KCNIP4: variants seen among roughly 807,000 people sequenced by gnomAD.
KCNIP4 encodes potassium voltage-gated channel interacting protein 4, also known as Kv channel-interacting protein 4.
Under a neutral mutation model 34.0 loss-of-function variants are expected in KCNIP4, and 12 were observed. The ratio of observed to expected loss-of-function variants is 0.35; its 90% CI spans 0.23 to 0.57. The LOEUF is 0.57. KCNIP4 is among the 20% of genes least tolerant of loss of function. KCNIP4 has a pLI of 0.83. For synonymous variants in KCNIP4, 124 were observed against 102.2 expected (o/e 1.21, Z -1.29); for missense variants, 238 against 311.7 (o/e 0.76, Z 1.78).
chr4:21,675,712 G>A (rs1749838800), intron 1 of KCNIP4, among the ~76,000 whole-genome samples: 1 of 152,136 alleles, frequency 6.6e-6, no homozygotes, highest in African/African-American at 2.4e-5. Flanking sequence ...ATGAAAAGTA[G>A]AGAGTCACAT....
At chr4:21,423,434 G>A (rs10022151) in intron 1 of KCNIP4, among the ~76,000 whole-genome samples, 44,982 of 152,064 alleles carry the variant, frequency 0.3, 7,823 homozygotes, top group East Asian at 0.58. Flanking sequence ...CATTGTTCCT[G>A]ATAAGGCTCA....
chr4:21,004,722 T>A (rs552447180), intron 1 of KCNIP4, among the ~76,000 whole-genome samples: 1 of 152,290 alleles, frequency 6.6e-6, no homozygotes, highest in South Asian at 2.1e-4. Context: ...TTCATAGAGT[T>A]CCACGGAAGT....
intron 1 of KCNIP4, among the ~76,000 whole-genome samples, chr4:21,755,672 G>C (rs1206369336): frequency 6.6e-6 from 1 of 152,128 alleles, no homozygotes; most frequent in African/African-American, 2.4e-5. Flanking sequence ...AGCATGGATA[G>C]AGAAGCCACT....
intron 1 of KCNIP4, among the ~76,000 whole-genome samples, chr4:21,475,012 A>AAAAG (rs1730823695): frequency 6.6e-6 from 1 of 151,202 alleles, no homozygotes; most frequent in Non-Finnish European, 1.5e-5. Context: ...AAAAACAAAA[A>AAAAG]AAAAAGACGT....
intron 1 of KCNIP4, among the ~76,000 whole-genome samples, chr4:21,589,153 T>G (rs1326390753): frequency 3.6e-5 from 3 of 82,214 alleles, no homozygotes; most frequent in African/African-American, 9.7e-5. Flanking sequence ...AAAATGGAGG[T>G]GTGTATATAT....
intron 4 of KCNIP4, among the ~76,000 whole-genome samples, chr4:20,754,655 GA>G (rs1754199854): frequency 6.6e-6 from 1 of 152,126 alleles, no homozygotes; most frequent in African/African-American, 2.4e-5. Context: ...CAATTAACAT[GA>G]ATAATGAAAT....
At chr4:21,715,548 T>G (rs1458277136) in intron 1 of KCNIP4, among the ~76,000 whole-genome samples, 3 of 152,158 alleles carry the variant, frequency 2.0e-5, no homozygotes, top group African/African-American at 7.2e-5. Context: ...AAAAATCCCT[T>G]CTATGCCAGT....
chr4:21,467,326 T>C (rs1730072895), intron 1 of KCNIP4, among the ~76,000 whole-genome samples: 1 of 152,106 alleles, frequency 6.6e-6, no homozygotes, highest in Non-Finnish European at 1.5e-5. Flanking sequence ...CAAAAATATA[T>C]AATAAATATT....
At chr4:21,866,514 T>G (rs1054267679) in intron 1 of KCNIP4, among the ~76,000 whole-genome samples, 8 of 151,252 alleles carry the variant, frequency 5.3e-5, no homozygotes, top group African/African-American at 1.9e-4. Context: ...CAGTCTCTTC[T>G]GATTTTCTGA....
chr4:21,537,476 G>A (rs1020509360), intron 1 of KCNIP4, among the ~76,000 whole-genome samples: 7 of 152,066 alleles, frequency 4.6e-5, no homozygotes, highest in Non-Finnish European at 8.8e-5. Flanking sequence ...CCACTTTTCT[G>A]TGTGTATAAT....
chr4:21,913,683 G>A (rs1039139227), intron 1 of KCNIP4, among the ~76,000 whole-genome samples: 2 of 152,134 alleles, frequency 1.3e-5, no homozygotes, highest in East Asian at 1.9e-4. Context: ...AGTCTAGTTG[G>A]AGAAACAAAA....
intron 2 of KCNIP4, among the ~76,000 whole-genome samples, chr4:20,862,959 G>T (rs1722370311): frequency 6.6e-6 from 1 of 152,056 alleles, no homozygotes; most frequent in Non-Finnish European, 1.5e-5. Flanking sequence ...CAGACACTGG[G>T]GCCTAGTGGA....
At chr4:21,120,022 C>A (rs191553758) in intron 1 of KCNIP4, among the ~76,000 whole-genome samples, 2 of 152,160 alleles carry the variant, frequency 1.3e-5, no homozygotes, top group Admixed American at 6.5e-5. Flanking sequence ...AGGAACCATC[C>A]CTGGGATTGT....
chr4:20,942,887 G>T (rs1041513699), intron 1 of KCNIP4, among the ~76,000 whole-genome samples: 2 of 152,022 alleles, frequency 1.3e-5, no homozygotes, highest in Admixed American at 6.6e-5. Flanking sequence ...GGCCAGGCTG[G>T]TCTCAAACTC....
intron 2 of KCNIP4, among the ~76,000 whole-genome samples, chr4:20,867,585 A>G (rs568282478): frequency 6.6e-6 from 1 of 152,232 alleles, no homozygotes; most frequent in African/African-American, 2.4e-5. Flanking sequence ...AAGACAACCT[A>G]GGGTATACTT....
At chr4:20,760,305 C>A (rs560686219) in intron 3 of KCNIP4, among the ~76,000 whole-genome samples, 2 of 152,314 alleles carry the variant, frequency 1.3e-5, no homozygotes, top group South Asian at 4.1e-4. Context: ...AACTCCCCAA[C>A]AGACCTGACT....
chr4:21,816,360 A>G (rs969921594), intron 1 of KCNIP4, among the ~76,000 whole-genome samples: 3 of 152,184 alleles, frequency 2.0e-5, no homozygotes, highest in African/African-American at 7.2e-5. Context: ...AAGCTATAAT[A>G]TAACTCATCT....
intron 1 of KCNIP4, among the ~76,000 whole-genome samples, chr4:21,483,427 T>C (rs1577439358): frequency 6.7e-6 from 1 of 149,718 alleles, no homozygotes; most frequent in African/African-American, 2.5e-5. Context: ...ATGGGGGGAG[T>C]TTCCAACGAT....
At chr4:21,294,907 T>G (rs1763748831) in intron 1 of KCNIP4, among the ~76,000 whole-genome samples, 1 of 152,212 alleles carries the variant, frequency 6.6e-6, no homozygotes, top group African/African-American at 2.4e-5. Flanking sequence ...GAGAAGGAAC[T>G]ACTCAAAGGA....
Sources: gnomAD v4.1 joint callset for allele counts (sites outside exome capture counted in the v4.1 genomes callset) on GRCh38, gnomAD v4.1.1 for gene constraint, MANE v1.5 for transcripts, NCBI Gene and HGNC (gene_info 2026-07-23, HGNC 2026-07-21) for gene names.